Variants in DNM1L observed in about 807,000 individuals in gnomAD.
DNM1L encodes the protein dynamin 1L.
Under a neutral mutation model 92.8 loss-of-function variants are expected in DNM1L, and 33 were observed. That is an observed-to-expected ratio of 0.36 (90% CI 0.27 to 0.48). The LOEUF (loss-of-function observed/expected upper bound fraction) is 0.48. Among genes scored for constraint, DNM1L ranks in the 20% least tolerant of loss-of-function variants. DNM1L has a pLI of 0.99. For synonymous variants in DNM1L, 284 were observed against 305.0 expected, an observed-to-expected ratio of 0.93 and a Z score of 0.72; for missense variants, 485 against 888.8, an observed-to-expected ratio of 0.55 and a Z score of 5.78.
chr12:32,724,308 TGGCTCACG>T (rs1478979302), intron 9 of DNM1L, among the ~76,000 whole-genome samples: 1 of 152,132 alleles, frequency 6.6e-6, no homozygotes, highest in African/African-American at 2.4e-5. Context: ...CCAGGCGCAG[TGGCTCACG>T]CCTGTAATCC....
chr12:32,718,881 A>AT lies in DNM1L; in HGVS notation c.740+124dup, dbSNP rs2137425996. Reference sequence around the variant, plus strand: ...TGTTTGAAATGTGATGCTGTACTATATTTTTTCTCCCTTTTATTATGATCT... The same window carrying AT: ...TGTTTGAAATGTGATGCTGTACTATATTTTTTTCTCCCTTTTATTATGATCT... On this transcript the variant is annotated intron_variant, in intron 7 of 19. Coordinates refer to ENST00000549701, the MANE Select transcript of DNM1L (RefSeq NM_012062.5). 4.4e-6 allele frequency: 6 copies of AT among 1,367,824 alleles called. No homozygotes were observed. In the South Asian group the frequency reaches 7.1e-5, roughly 16 times the overall value. The allele number at this position is 1,367,824 out of a possible 1,614,324, so 84.7% of individuals were successfully genotyped here.
intron 1 of DNM1L, among the ~76,000 whole-genome samples, chr12:32,690,081 C>T (rs938759276): frequency 1.3e-5 from 2 of 152,136 alleles, no homozygotes; most frequent in Non-Finnish European, 2.9e-5. Flanking sequence ...TGTAGCTACT[C>T]GACTTTCTGG....
chr12:32,684,013 T>C (rs897480406), intron 1 of DNM1L, among the ~76,000 whole-genome samples: 1 of 152,196 alleles, frequency 6.6e-6, no homozygotes, highest in Non-Finnish European at 1.5e-5. Context: ...AAATCAACTT[T>C]TAAAAATTTA....
intron 1 of DNM1L, among the ~76,000 whole-genome samples, chr12:32,695,613 A>T (rs1469450411): frequency 6.6e-6 from 1 of 151,884 alleles, no homozygotes; most frequent in Non-Finnish European, 1.5e-5. Context: ...TCTACAAAAA[A>T]TAGAAAAATT....
intron 6 of DNM1L, 105 bp downstream of exon 6, chr12:32,713,476 C>G (rs762111681): frequency 2.1e-5 from 26 of 1,229,506 alleles, no homozygotes; most frequent in Non-Finnish European, 3.1e-5. Flanking sequence ...GTTTTGAATA[C>G]AAATTTAAAA....
At chr12:32,682,867 T>C (rs957561258) in intron 1 of DNM1L, among the ~76,000 whole-genome samples, 6 of 152,188 alleles carry the variant, frequency 3.9e-5, no homozygotes, top group African/African-American at 1.4e-4. Flanking sequence ...GCTTTTATTT[T>C]TTCTAGTAGA....
chr12:32,744,856 C>T lies in DNM1L; in HGVS notation c.*1446C>T, dbSNP rs761066696. ...TTCCCCAGATGATTCTTGGTATGAA[C>T]GACTATATTATAAATTTTAAGATGT... On this transcript the variant is annotated 3_prime_UTR_variant, in exon 20 of 20. Coordinates refer to ENST00000549701, the MANE Select transcript of DNM1L (RefSeq NM_012062.5). The T allele has an allele frequency of 3.0e-5, 15 of 496,744 alleles. No individual in the cohort carries two copies. Among genetic ancestry groups the T allele is most frequent in the East Asian group, 2.8e-4 (5 of 17,744 alleles). The allele number at this position is 496,744 out of a possible 1,614,324, so 30.8% of individuals were successfully genotyped here.
At chr12:32,696,383 A>AC (rs1952454585) in intron 1 of DNM1L, among the ~76,000 whole-genome samples, 17 of 145,010 alleles carry the variant, frequency 1.2e-4, no homozygotes, top group Non-Finnish European at 1.7e-4. Flanking sequence ...CACACACACA[A>AC]ACACACACAC....
At chr12:32,679,851 C>T (rs1951738254) in intron 1 of DNM1L, 8 of 997,056 alleles carry the variant, frequency 8.0e-6, no homozygotes, top group East Asian at 1.0e-4. Flanking sequence ...GCACTCGGGT[C>T]TCGCTGGGCT....
chr12:32,679,818 A>C, intron 1 of DNM1L: 1 of 1,011,598 alleles, frequency 9.9e-7, no homozygotes. Context: ...GCTGCCTCCA[A>C]GGGCACCTGG....
intron 3 of DNM1L, 78 bp downstream of exon 3, chr12:32,707,491 A>G (rs1220718379): frequency 7.9e-6 from 8 of 1,012,714 alleles, no homozygotes; most frequent in Non-Finnish European, 1.1e-5. Flanking sequence ...TTAGTTTCTA[A>G]TCATTGGCAA....
At chr12:32,739,922 T>G (rs1034254739) in intron 16 of DNM1L, 142 bp from the exon 17 acceptor site, 49 of 1,011,906 alleles carry the variant, frequency 4.8e-5, no homozygotes, top group Non-Finnish European at 4.5e-5. Flanking sequence ...CTACCTAGTG[T>G]CTCCTTCTGA....
intron 13 of DNM1L, 75 bp downstream of exon 13, chr12:32,733,882 C>T (rs1320761832): frequency 6.3e-6 from 8 of 1,265,122 alleles, no homozygotes; most frequent in Non-Finnish European, 6.9e-6. Flanking sequence ...ACTTATTTAG[C>T]ATGGAGTAAC....
At chr12:32,694,519 A>G (rs1449193707) in intron 1 of DNM1L, among the ~76,000 whole-genome samples, 1 of 152,220 alleles carries the variant, frequency 6.6e-6, no homozygotes, top group Non-Finnish European at 1.5e-5. Flanking sequence ...CCTTTTTATG[A>G]CTGAAGTATA....
chr12:32,731,247 G>T lies in DNM1L; in HGVS notation c.1201-109G>T. On this transcript the variant is annotated intron_variant, in intron 10 of 19. Coordinates refer to ENST00000549701, the MANE Select transcript of DNM1L (RefSeq NM_012062.5). This position sits in a 1 kb window ranked among gnomAD's most constrained non-coding sequence, Gnocchi z 5.1. Reference sequence around the variant, plus strand: ...TACAGTTTATTTTGCTCTCATATTTGAAATTAAAAAGCATTTTTCATGAAA... The same window carrying T: ...TACAGTTTATTTTGCTCTCATATTTTAAATTAAAAAGCATTTTTCATGAAA... The T allele has an allele frequency of 6.3e-7, 1 of 1,584,142 alleles. No individual in the cohort carries two copies. Among genetic ancestry groups the T allele is most frequent in the Non-Finnish European group, 8.6e-7 (1 of 1,163,586 alleles).
chr12:32,718,948 G>A (rs1167409119), intron 7 of DNM1L, among the ~76,000 whole-genome samples, 185 bp downstream of exon 7: 1 of 149,330 alleles, frequency 6.7e-6, no homozygotes, highest in Non-Finnish European at 1.5e-5. Context: ...GGAGAAAAGA[G>A]AGAGAATTTT....
rs1592601887 is a variant in DNM1L, at chr12:32,706,873, A to G, written c.251-494A>G. The stretch of plus-strand genomic sequence containing the variant: ...CTGAAGAATTAGCTGTTTCATTGAC[A>G]CATTGTAAAATTTTTCCTTGAGTCA... On this transcript the variant is annotated intron_variant, in intron 2 of 19. Transcript: ENST00000549701. 8.9e-6 allele frequency: 3 copies of G among 335,256 alleles called. No individual in the cohort carries two copies. In the East Asian group the frequency reaches 2.3e-4, roughly 26 times the overall value. 20.8% of individuals were successfully genotyped at this position (335,256 alleles called of 1,614,324 possible).
At position 32,721,323 on chromosome 12, in the gene DNM1L, AC is replaced by A. The variant is rs201012777; in HGVS notation, c.872+529del. Reference sequence around the variant, plus strand: ...ACTGAAGTGGAAGCCATTTTCTCTTACTTTTATCTTATTCCCTAAAGACTGA... The same window carrying A: ...ACTGAAGTGGAAGCCATTTTCTCTTATTTTATCTTATTCCCTAAAGACTGA... On this transcript the variant is annotated intron_variant, in intron 8 of 19. Coordinates refer to ENST00000549701, the MANE Select transcript of DNM1L (RefSeq NM_012062.5). Among the ~76,000 whole-genome samples, 20 of 152,230 alleles carry A rather than the reference AC, an allele frequency of 1.3e-4. No individual in the cohort carries two copies. The East Asian group carries it at 3.7e-3, about 28-fold the overall frequency.
At chr12:32,740,004 T>G (rs1955172401) in intron 16 of DNM1L, 60 bp from the exon 17 acceptor site, 1 of 1,609,458 alleles carries the variant, frequency 6.2e-7, no homozygotes, top group South Asian at 1.1e-5. Context: ...TAAAATGAAC[T>G]TTGTTTTAGT....
Sources: allele counts gnomAD v4.1 joint callset (sites outside exome capture counted in the v4.1 genomes callset), GRCh38; gene constraint gnomAD v4.1.1; non-coding constraint Gnocchi (gnomAD v3.1); transcripts MANE v1.5; gene names NCBI Gene and HGNC (gene_info 2026-07-23, HGNC 2026-07-21).